Variants in PCMTD1 observed in about 807,000 individuals in gnomAD.
PCMTD1 encodes the protein protein-L-isoaspartate O-methyltransferase domain-containing protein 1.
PCMTD1 carries 12 observed loss-of-function variants against 37.6 expected under a neutral mutation model. The ratio of observed to expected loss-of-function variants is 0.32; its 90% CI spans 0.20 to 0.52. The LOEUF (loss-of-function observed/expected upper bound fraction) is 0.52, where lower values mean the gene tolerates loss of function less well. PCMTD1 is among the 20% of genes least tolerant of loss of function. The pLI is 0.97. For missense variants in PCMTD1, 235 were observed against 421.3 expected (o/e 0.56, Z 3.87); for synonymous variants, 117 against 135.8 (o/e 0.86, Z 0.96).
intron 2 of PCMTD1, among the ~76,000 whole-genome samples, chr8:51,859,345 G>T (rs2038438514): frequency 6.6e-6 from 1 of 152,050 alleles, no homozygotes; most frequent in Non-Finnish European, 1.5e-5. Context: ...TGATAGAAGT[G>T]ACAGATATCT....
intron 5 of PCMTD1, chr8:51,827,148 G>C (rs1187476582): frequency 1.9e-6 from 2 of 1,048,404 alleles, no homozygotes; most frequent in Non-Finnish European, 2.3e-6. Context: ...TTAAATTTTG[G>C]CAAATATCAA....
chr8:51,876,060 G>A (rs540674712), intron 1 of PCMTD1, among the ~76,000 whole-genome samples: 133 of 152,282 alleles, frequency 8.7e-4, no homozygotes, highest in African/African-American at 3.0e-3. Context: ...AATAGTCCCT[G>A]ATGCCTACCA....
At chr8:51,858,044 C>T (rs2038416867) in intron 2 of PCMTD1, among the ~76,000 whole-genome samples, 1 of 152,092 alleles carries the variant, frequency 6.6e-6, no homozygotes, top group South Asian at 2.1e-4. Flanking sequence ...ACCTAACTTA[C>T]TCTCACTGAA....
Position 51,818,376 on chromosome 8 carries a change from T to C in PCMTD1, c.*1975A>G, listed in dbSNP as rs1469100645. 1 of 137,708 alleles carries C rather than the reference T, an allele frequency of 7.3e-6. No individual in the cohort carries two copies. The highest frequency in any genetic ancestry group is 1.5e-5 in the Non-Finnish European group (1 of 68,466). 8.5% of individuals were successfully genotyped at this position (137,708 alleles called of 1,614,324 possible). On this transcript the variant is annotated 3_prime_UTR_variant, in exon 6 of 6. Transcript: ENST00000522514. Reference sequence around the variant, plus strand: ...TCCTTAACAAAAACTCTCTCCTGCATAGTAAAAGCATCATCTAAACAGCAG... The same window carrying C: ...TCCTTAACAAAAACTCTCTCCTGCACAGTAAAAGCATCATCTAAACAGCAG...
chr8:51,823,256 G>C (rs1288780956), intron 5 of PCMTD1, among the ~76,000 whole-genome samples: 2 of 152,198 alleles, frequency 1.3e-5, no homozygotes, highest in Non-Finnish European at 2.9e-5. Flanking sequence ...TTGAGCCCAT[G>C]ATCTTGAGAC....
At chr8:51,834,073 A>C (rs1367821738) in intron 3 of PCMTD1, among the ~76,000 whole-genome samples, 1 of 152,178 alleles carries the variant, frequency 6.6e-6, no homozygotes, top group East Asian at 1.9e-4. Context: ...TGTCCTTTCC[A>C]AAAAAGGTGA....
At position 51,819,153 on chromosome 8, in the gene PCMTD1, T is replaced by A. The variant is rs1397721397; in HGVS notation, c.*1198A>T. The A allele has an allele frequency of 2.0e-5, 3 of 152,046 alleles. No homozygotes were observed. Among genetic ancestry groups the A allele is most frequent in the African/African-American group, 7.2e-5 (3 of 41,468 alleles). The allele number at this position is 152,046 out of a possible 1,614,324, so 9.4% of individuals were successfully genotyped here. A position where few individuals can be genotyped will look rare whatever the true frequency, so the allele number is the denominator to read the frequency against. On this transcript the variant is annotated 3_prime_UTR_variant, in exon 6 of 6. Coordinates refer to ENST00000522514, the MANE Select transcript of PCMTD1 (RefSeq NM_052937.4). ...TAACTGTGTGATATTAAGTAAAAAA[T>A]GAAAACCATTATAGTTTTACCAAAA...
chr8:51,875,462 CAGT>C (rs2038696901), intron 1 of PCMTD1, among the ~76,000 whole-genome samples: 1 of 152,156 alleles, frequency 6.6e-6, no homozygotes, highest in Non-Finnish European at 1.5e-5. Flanking sequence ...GGATTTATAT[CAGT>C]AGGAATATAA....
intron 2 of PCMTD1, among the ~76,000 whole-genome samples, chr8:51,850,567 T>C (rs1334079947): frequency 6.6e-6 from 1 of 152,142 alleles, no homozygotes; most frequent in South Asian, 2.1e-4. Context: ...TAAAGCCCCA[T>C]CTGAATTATT....
intron 2 of PCMTD1, among the ~76,000 whole-genome samples, chr8:51,852,596 TCA>T (rs546873778): frequency 2.0e-5 from 3 of 152,124 alleles, no homozygotes; most frequent in Non-Finnish European, 2.9e-5. Context: ...TTTGCAAAAA[TCA>T]CAGTGTCCTC....
chr8:51,866,682 G>A (rs2038559954), intron 1 of PCMTD1, among the ~76,000 whole-genome samples: 1 of 151,880 alleles, frequency 6.6e-6, no homozygotes, highest in Non-Finnish European at 1.5e-5. Flanking sequence ...ACTATTAGAA[G>A]AAAACATAGG....
chr8:51,821,121 G>C (rs77712895), intron 5 of PCMTD1, among the ~76,000 whole-genome samples: 17,893 of 152,126 alleles, frequency 0.12, 1,289 homozygotes, highest in East Asian at 0.17. Flanking sequence ...CAACAGATGT[G>C]AGATCCCATC....
chr8:51,882,845 C>T (rs1030314852), intron 1 of PCMTD1, among the ~76,000 whole-genome samples: 1 of 144,794 alleles, frequency 6.9e-6, no homozygotes, highest in African/African-American at 2.5e-5. Flanking sequence ...AAATAAAAAA[C>T]GGCCGGACGC....
At chr8:51,850,894 CAGGAAT>C (rs751294808) in intron 2 of PCMTD1, among the ~76,000 whole-genome samples, 5 of 151,924 alleles carry the variant, frequency 3.3e-5, no homozygotes, top group Non-Finnish European at 5.9e-5. Flanking sequence ...AAAAAGTCGA[CAGGAAT>C]AGGTTTCACT....
intron 2 of PCMTD1, among the ~76,000 whole-genome samples, chr8:51,855,367 C>G (rs1185191791): frequency 1.4e-5 from 2 of 148,024 alleles, no homozygotes; most frequent in Non-Finnish European, 3.0e-5. Flanking sequence ...GTCTTTAATA[C>G]CAAAAAAAAA....
At chr8:51,860,594 G>A (rs927914964) in intron 2 of PCMTD1, 5 of 341,128 alleles carry the variant, frequency 1.5e-5, no homozygotes, top group Non-Finnish European at 2.1e-5. Flanking sequence ...GCCCACCAGC[G>A]CTTGACTTTA....
chr8:51,875,186 G>A (rs578196603), intron 1 of PCMTD1, among the ~76,000 whole-genome samples: 1 of 152,174 alleles, frequency 6.6e-6, no homozygotes, highest in East Asian at 1.9e-4. Context: ...TAATATGACA[G>A]AAACTTATGA....
chr8:51,873,920 CTT>C (rs573068659), intron 1 of PCMTD1, among the ~76,000 whole-genome samples: 1 of 142,570 alleles, frequency 7.0e-6, no homozygotes. Flanking sequence ...TTTTCTTTTT[CTT>C]TTTTTTTTTG....
At chr8:51,857,099 G>A (rs559087925) in intron 2 of PCMTD1, among the ~76,000 whole-genome samples, 2 of 152,348 alleles carry the variant, frequency 1.3e-5, no homozygotes, top group African/African-American at 4.8e-5. Flanking sequence ...ACCATTTAAC[G>A]TCCCATGACA....
Sources: gnomAD v4.1 joint callset for allele counts (sites outside exome capture counted in the v4.1 genomes callset) on GRCh38, gnomAD v4.1.1 for gene constraint, MANE v1.5 for transcripts, NCBI Gene and HGNC (gene_info 2026-07-23, HGNC 2026-07-21) for gene names.